RASAL2: variants seen among roughly 807,000 people sequenced by gnomAD.
RASAL2 encodes the protein RAS protein activator like 2, also known as ras GTPase-activating protein nGAP.
A neutral mutation model predicts 128.9 loss-of-function variants in RASAL2; 58 were observed. The observed-to-expected ratio is 0.45, with a 90% CI of 0.36 to 0.56. RASAL2 has a LOEUF of 0.56. RASAL2 is among the 20% of genes least tolerant of loss of function. The probability of loss-of-function intolerance (pLI) is 0.00; values close to 1 mark genes in which losing one functional copy is unlikely to be tolerated. For synonymous variants in RASAL2, 561 were observed against 580.8 expected, an observed-to-expected ratio of 0.97 and a Z score of 0.49; for missense variants, 1,360 against 1,601.6, an observed-to-expected ratio of 0.85 and a Z score of 2.57.
intron 3 of RASAL2, among the ~76,000 whole-genome samples, chr1:178,323,268 G>T (rs191184346): frequency 6.6e-6 from 1 of 152,168 alleles, no homozygotes; most frequent in Non-Finnish European, 1.5e-5. Flanking sequence ...ACCATAGCAG[G>T]TTGTTTTGTA....
chr1:178,359,788 C>T (rs1671012352), intron 3 of RASAL2, among the ~76,000 whole-genome samples: 1 of 152,038 alleles, frequency 6.6e-6, no homozygotes, highest in Non-Finnish European at 1.5e-5. Flanking sequence ...TTTGATGTTA[C>T]TGTTGTTGAA....
intron 1 of RASAL2, among the ~76,000 whole-genome samples, chr1:178,202,423 C>T (rs148607011): frequency 2.0e-5 from 3 of 152,332 alleles, no homozygotes; most frequent in African/African-American, 7.2e-5. Flanking sequence ...TATGCAGGCA[C>T]CACCTGAAAG....
At chr1:178,423,958 A>C (rs1276907508) in intron 5 of RASAL2, among the ~76,000 whole-genome samples, 1 of 152,032 alleles carries the variant, frequency 6.6e-6, no homozygotes, top group Admixed American at 6.6e-5. Flanking sequence ...TCATGTCTTC[A>C]AGTTACATGG....
At chr1:178,249,967 G>A (rs112527358) in intron 1 of RASAL2, among the ~76,000 whole-genome samples, 93 of 152,190 alleles carry the variant, frequency 6.1e-4, no homozygotes, top group African/African-American at 2.1e-3. Context: ...GCCTGATGCC[G>A]GGGCTCTTCT....
At chr1:178,388,039 T>A (rs988091955) in intron 3 of RASAL2, among the ~76,000 whole-genome samples, 1 of 152,168 alleles carries the variant, frequency 6.6e-6, no homozygotes, top group Non-Finnish European at 1.5e-5. Flanking sequence ...CTAATGAAAT[T>A]TATTTTTCCC....
At chr1:178,222,968 A>G (rs1429481863) in intron 1 of RASAL2, among the ~76,000 whole-genome samples, 2 of 151,902 alleles carry the variant, frequency 1.3e-5, no homozygotes, top group Admixed American at 6.6e-5. Flanking sequence ...AGAGAAAATG[A>G]CTCCCTGTAG....
In RASAL2 at chr1:178,094,338, C is replaced by T; in HGVS notation, c.-155C>T. On this transcript the variant is annotated 5_prime_UTR_variant, in exon 1 of 18. The change creates a new upstream start codon in the 5' untranslated region. Transcript: ENST00000367649. ...CGCCCGAGCCTCGGGCAGTGGGCGA[C>T]GGGGAAGGAGGTGAGAGGTGTCCGC... The T allele has an allele frequency of 3.0e-6, 2 of 664,276 alleles. No individual in the cohort carries two copies. Among genetic ancestry groups the T allele is most frequent in the Non-Finnish European group, 4.8e-6 (2 of 418,202 alleles). The allele number at this position is 664,276 out of a possible 1,614,324, so 41.1% of individuals were successfully genotyped here.
At chr1:178,289,063 T>C (rs1397388879) in intron 2 of RASAL2, among the ~76,000 whole-genome samples, 2 of 152,200 alleles carry the variant, frequency 1.3e-5, no homozygotes, top group Admixed American at 1.3e-4. Flanking sequence ...TCTATGCTCA[T>C]TGTCTTTAAT....
intron 1 of RASAL2, among the ~76,000 whole-genome samples, chr1:178,247,029 T>C (rs2102069889): frequency 6.6e-6 from 1 of 152,308 alleles, no homozygotes; most frequent in East Asian, 1.9e-4. Flanking sequence ...GAAATTTTCT[T>C]TTTTTGTTGT....
chr1:178,282,361 A>G (rs1344448619), intron 1 of RASAL2, among the ~76,000 whole-genome samples: 1 of 152,222 alleles, frequency 6.6e-6, no homozygotes, highest in African/African-American at 2.4e-5. Flanking sequence ...ACAGAGACCT[A>G]CGTAGTTCTA....
At chr1:178,435,212 A>G (rs765321174) in intron 5 of RASAL2, among the ~76,000 whole-genome samples, 3 of 152,082 alleles carry the variant, frequency 2.0e-5, no homozygotes, top group Non-Finnish European at 4.4e-5. Flanking sequence ...AAGTTTCCCA[A>G]TTCCTAAATT....
At chr1:178,173,306 G>A (rs1490643703) in intron 1 of RASAL2, among the ~76,000 whole-genome samples, 2 of 152,090 alleles carry the variant, frequency 1.3e-5, no homozygotes, top group Admixed American at 6.6e-5. Flanking sequence ...TGTGTCTCCA[G>A]TAAGGCAGTG....
chr1:178,164,805 G>T (rs138746750), intron 1 of RASAL2, among the ~76,000 whole-genome samples: 1 of 135,136 alleles, frequency 7.4e-6, no homozygotes, highest in Non-Finnish European at 1.6e-5. Flanking sequence ...TAGAACATAC[G>T]CTTTGTTCAT....
In RASAL2 at chr1:178,475,099, C is replaced by G. The variant is rs929565600; in HGVS notation, c.*1860C>G. On this transcript the variant is annotated 3_prime_UTR_variant, in exon 18 of 18. Coordinates refer to ENST00000367649, the MANE Select transcript of RASAL2 (RefSeq NM_170692.4). ...GAGCTCTGCCCTCTCTCAGGTGGAT[C>G]TTTGTGTTGGACCTTACGTTTCAGC... is the stretch of plus-strand genomic sequence containing the variant. 4.6e-5 allele frequency: 7 copies of G among 152,158 alleles called. No individual in the cohort carries two copies. Among genetic ancestry groups the G allele is most frequent in the Non-Finnish European group, 7.3e-5 (5 of 68,056 alleles). The allele number at this position is 152,158 out of a possible 1,614,324, so 9.4% of individuals were successfully genotyped here. A position where few individuals can be genotyped will look rare whatever the true frequency, so the allele number is the denominator to read the frequency against.
intron 2 of RASAL2, among the ~76,000 whole-genome samples, chr1:178,294,318 A>G (rs1011736555): frequency 5.3e-5 from 8 of 151,980 alleles, no homozygotes; most frequent in African/African-American, 1.9e-4. Context: ...ACACAAACAC[A>G]CCACCACTTC....
At chr1:178,471,759 T>C (rs1476365645) in intron 17 of RASAL2, among the ~76,000 whole-genome samples, 1 of 152,054 alleles carries the variant, frequency 6.6e-6, no homozygotes, top group Non-Finnish European at 1.5e-5. Flanking sequence ...CCTAGATTTT[T>C]CCCCCAGGGC....
intron 1 of RASAL2, among the ~76,000 whole-genome samples, chr1:178,138,490 G>T (rs1200830348): frequency 6.6e-6 from 1 of 152,056 alleles, no homozygotes; most frequent in Non-Finnish European, 1.5e-5. Flanking sequence ...CACTGTGTTG[G>T]TCTCTCTTCA....
At chr1:178,242,422 ATTCTCTCTCTCTCTCTCTCT>A (rs1664541991) in intron 1 of RASAL2, among the ~76,000 whole-genome samples, 2 of 91,958 alleles carry the variant, frequency 2.2e-5, no homozygotes, top group African/African-American at 8.0e-5. Context: ...TTTATAATTC[ATTCTCTCTCTCTCTCTCTCT>A]CTCTCTCTCT....
intron 9 of RASAL2, among the ~76,000 whole-genome samples, chr1:178,448,452 A>G (rs1217326839): frequency 6.6e-6 from 1 of 152,192 alleles, no homozygotes; most frequent in African/African-American, 2.4e-5. Flanking sequence ...AGCTACTACA[A>G]TTAGTTTCTG....
Sources: allele counts gnomAD v4.1 joint callset (sites outside exome capture counted in the v4.1 genomes callset), GRCh38; gene constraint gnomAD v4.1.1; transcripts MANE v1.5; gene names NCBI Gene and HGNC (gene_info 2026-07-23, HGNC 2026-07-21).